Variants in VWA8 observed in about 807,000 individuals in gnomAD.
VWA8 encodes the protein von Willebrand factor A domain-containing protein 8.
VWA8 carries 221 observed loss-of-function variants against 241.5 expected under a neutral mutation model. The observed-to-expected ratio is 0.91, with a 90% confidence interval of 0.82 to 1.02. The LOEUF (loss-of-function observed/expected upper bound fraction) is 1.02, where lower values mean the gene tolerates loss of function less well. VWA8 is among the 50% of genes least tolerant of loss of function. The probability of loss-of-function intolerance (pLI) is 0.00; values close to 1 mark genes in which losing one functional copy is unlikely to be tolerated. For synonymous variants in VWA8, 852 were observed against 827.1 expected (o/e 1.03, Z -0.52); for missense variants, 2,322 against 2,328.7 (o/e 1.00, Z 0.06).
chr13:41,664,389 A>ATGTGTGTG (rs3073033), intron 37 of VWA8, among the ~76,000 whole-genome samples: 1,877 of 137,930 alleles, frequency 0.014, 38 homozygotes, highest in African/African-American at 0.035. Context: ...ACATGCTTTG[A>ATGTGTGTG]TGTGTGTGTG....
chr13:41,819,590 C>T (rs1870860651), intron 14 of VWA8, among the ~76,000 whole-genome samples: 1 of 152,182 alleles, frequency 6.6e-6, no homozygotes, highest in African/African-American at 2.4e-5. Context: ...ACTACCACTG[C>T]TAGTAAATGC....
chr13:41,869,883 C>T (rs901264607), intron 9 of VWA8, among the ~76,000 whole-genome samples: 1 of 151,846 alleles, frequency 6.6e-6, no homozygotes, highest in African/African-American at 2.4e-5. Flanking sequence ...AGAAATTAAC[C>T]CCCAAAATCC....
intron 20 of VWA8, among the ~76,000 whole-genome samples, chr13:41,765,907 A>G (rs981250652): frequency 6.6e-6 from 1 of 152,202 alleles, no homozygotes; most frequent in African/African-American, 2.4e-5. Context: ...AAAAATAAAA[A>G]TAATCTCATG....
rs994845906 is a variant in VWA8 at position 41,581,150 on chromosome 13, G to A, written c.5272-5312C>T. Among the ~76,000 whole-genome samples the A allele has an allele frequency of 6.3e-5, 8 of 127,468 alleles. 2 individuals are homozygous for A. In the East Asian group the frequency reaches 9.1e-4, roughly 15 times the overall value. The allele number at this position is 127,468 out of a possible 152,430, so 83.6% of individuals were successfully genotyped here. A position where few individuals can be genotyped will look rare whatever the true frequency, so the allele number is the denominator to read the frequency against. ...GGAGTAGCTGGGACTACAGGCGCCC[G>A]CCACCTCGCCCGGCTAATTTTTTGT... On this transcript the variant is annotated intron_variant, in intron 42 of 44. Transcript: ENST00000379310.
chr13:41,666,897 G>A (rs1165868175), intron 37 of VWA8, among the ~76,000 whole-genome samples: 1 of 152,124 alleles, frequency 6.6e-6, no homozygotes, highest in Non-Finnish European at 1.5e-5. Flanking sequence ...GTTCAGAAAA[G>A]CATTGCCTTT....
intron 8 of VWA8, among the ~76,000 whole-genome samples, chr13:41,885,018 T>A (rs1336703575): frequency 6.6e-6 from 1 of 152,194 alleles, no homozygotes; most frequent in Admixed American, 6.5e-5. Flanking sequence ...CACTGAGTGT[T>A]ACAAAAGCTT....
At chr13:41,815,754 C>A (rs1870663090) in intron 16 of VWA8, among the ~76,000 whole-genome samples, 1 of 152,098 alleles carries the variant, frequency 6.6e-6, no homozygotes, top group African/African-American at 2.4e-5. Flanking sequence ...GTTACAATAG[C>A]AACAGGAAAT....
intron 2 of VWA8, among the ~76,000 whole-genome samples, chr13:41,916,016 T>G (rs1303125098): frequency 5.3e-5 from 8 of 152,202 alleles, no homozygotes; most frequent in Admixed American, 6.5e-5. Context: ...TCAAGACAGA[T>G]TGGCTGGGTT....
At chr13:41,623,887 C>T (rs537283036) in intron 37 of VWA8, among the ~76,000 whole-genome samples, 36 of 151,882 alleles carry the variant, frequency 2.4e-4, no homozygotes, top group African/African-American at 8.4e-4. Context: ...TTAGAAATTT[C>T]TTTCATAGGC....
chr13:41,599,268 G>A (rs1308955398), intron 40 of VWA8, among the ~76,000 whole-genome samples: 1 of 151,974 alleles, frequency 6.6e-6, no homozygotes, highest in Non-Finnish European at 1.5e-5. Flanking sequence ...TTTGAGTTTT[G>A]GTAGTGCAGT....
rs764120512 is a variant in VWA8, at chr13:41,675,314, C to T, written c.4328-18G>A. On this transcript the variant is annotated intron_variant, in intron 35 of 44. Coordinates refer to ENST00000379310, the MANE Select transcript of VWA8 (RefSeq NM_015058.2). ...AGTAACATCTACAAACAAGTCATGA[C>T]ATGAGCCAAGTATTAAATTACTGCA... 5 of 1,583,022 alleles carry T rather than the reference C, an allele frequency of 3.2e-6. No individual in the cohort carries two copies. The Admixed American group carries it at 8.5e-5, about 27-fold the overall frequency.
chr13:41,879,384 C>CAT (rs1555346711), intron 9 of VWA8, among the ~76,000 whole-genome samples: 3 of 22,036 alleles, frequency 1.4e-4, no homozygotes, highest in Middle Eastern at 0.062. Flanking sequence ...TACACACATA[C>CAT]ACACACACAC....
At chr13:41,713,155 G>C (rs1364960158) in intron 26 of VWA8, among the ~76,000 whole-genome samples, 4 of 152,218 alleles carry the variant, frequency 2.6e-5, no homozygotes, top group Admixed American at 6.5e-5. Flanking sequence ...GGAGGCAAAG[G>C]TTCTAAGAAA....
At chr13:41,878,888 G>T (rs1195099337) in intron 9 of VWA8, among the ~76,000 whole-genome samples, 1 of 152,028 alleles carries the variant, frequency 6.6e-6, no homozygotes, top group African/African-American at 2.4e-5. Context: ...ACATCAAAGT[G>T]GTTTCTTGGT....
chr13:41,572,953 C>A (rs1259301701), intron 43 of VWA8, among the ~76,000 whole-genome samples: 1 of 148,264 alleles, frequency 6.7e-6, no homozygotes, highest in African/African-American at 2.5e-5. Context: ...ACTAAAAATA[C>A]AAAAAATTAG....
At chr13:41,929,471 G>A (rs2138138249) in intron 2 of VWA8, among the ~76,000 whole-genome samples, 1 of 152,168 alleles carries the variant, frequency 6.6e-6, no homozygotes, top group Non-Finnish European at 1.5e-5. Context: ...CAAATTATGT[G>A]TGTATCAAAA....
At position 41,748,768 on chromosome 13, in the gene VWA8, C is replaced by T. The variant is rs552035643; in HGVS notation, c.2426+12360G>A. 2.4e-4 allele frequency among the ~76,000 whole-genome samples: 36 copies of T among 152,296 alleles called. 1 individual carries two copies. In the South Asian group the frequency reaches 7.2e-3, roughly 31 times the overall value. On this transcript the variant is annotated intron_variant, in intron 21 of 44. Coordinates refer to ENST00000379310, the MANE Select transcript of VWA8 (RefSeq NM_015058.2). ...AAACAAGAAATGGGGAAAGGATTCC[C>T]TATTTAATAAATCGTGCTGGGAAAA...
intron 42 of VWA8, among the ~76,000 whole-genome samples, chr13:41,581,505 C>G (rs978698558): frequency 1.3e-5 from 2 of 152,282 alleles, no homozygotes; most frequent in Admixed American, 1.3e-4. Context: ...TATGAAACAT[C>G]CTGCATTATC....
chr13:41,571,702 C>G (rs2044306088), intron 43 of VWA8, among the ~76,000 whole-genome samples: 1 of 152,216 alleles, frequency 6.6e-6, no homozygotes, highest in South Asian at 2.1e-4. Flanking sequence ...TCGCTGCAAC[C>G]TCCACCTCCC....
Sources: allele counts gnomAD v4.1 joint callset (sites outside exome capture counted in the v4.1 genomes callset), GRCh38; gene constraint gnomAD v4.1.1; transcripts MANE v1.5; gene names NCBI Gene and HGNC (gene_info 2026-07-23, HGNC 2026-07-21).